The following KAZN variants were observed in gnomAD, a reference collection of about 807,000 sequenced individuals.
The protein encoded by KAZN is kazrin.
KAZN carries 40 observed loss-of-function variants against 87.4 expected under a neutral mutation model. That is an observed-to-expected ratio of 0.46 (90% CI 0.36 to 0.60). The LOEUF is 0.60. Among genes scored for constraint, KAZN ranks in the 20% least tolerant of loss-of-function variants. The pLI is 0.00. For missense variants in KAZN, 898 were observed against 1,073.9 expected, an observed-to-expected ratio of 0.84 and a Z score of 2.29; for synonymous variants, 466 against 458.3, an observed-to-expected ratio of 1.02 and a Z score of -0.22.
At chr1:14,823,572 C>A (rs573656876) in intron 1 of KAZN, among the ~76,000 whole-genome samples, 16 of 152,208 alleles carry the variant, frequency 1.1e-4, no homozygotes, top group African/African-American at 3.9e-4. Flanking sequence ...TGTTGAATGT[C>A]CTGAAACGCA....
At chr1:14,514,915 C>T (rs938181943) in intron 2 of KAZN, among the ~76,000 whole-genome samples, 1 of 151,990 alleles carries the variant, frequency 6.6e-6, no homozygotes, top group South Asian at 2.1e-4. Context: ...TAGCAAAGTC[C>T]GTGGCTCACA....
intron 2 of KAZN, among the ~76,000 whole-genome samples, chr1:14,203,698 A>G (rs1646685623): frequency 6.6e-6 from 1 of 152,172 alleles, no homozygotes; most frequent in African/African-American, 2.4e-5. Context: ...CTTAGGTACA[A>G]CTCAATGTGC....
chr1:14,068,710 C>G (rs752211206), intron 1 of KAZN, among the ~76,000 whole-genome samples: 16 of 152,160 alleles, frequency 1.1e-4, no homozygotes, highest in Admixed American at 2.0e-4. Flanking sequence ...TGTCTTTTCC[C>G]TACGACAGAG....
At chr1:14,076,156 C>T (rs1464999254) in intron 1 of KAZN, among the ~76,000 whole-genome samples, 1 of 152,080 alleles carries the variant, frequency 6.6e-6, no homozygotes, top group Non-Finnish European at 1.5e-5. Flanking sequence ...TGGCACACAC[C>T]TGTAGTCCCA....
chr1:14,656,196 TC>T, intron 1 of KAZN, among the ~76,000 whole-genome samples: 1 of 152,250 alleles, frequency 6.6e-6, no homozygotes, highest in East Asian at 1.9e-4. Context: ...AAGGTCATTC[TC>T]GGGGTAGGCT....
intron 2 of KAZN, among the ~76,000 whole-genome samples, chr1:14,392,979 A>G (rs578230280): frequency 7.9e-5 from 12 of 152,290 alleles, no homozygotes; most frequent in African/African-American, 2.9e-4. Flanking sequence ...ACTTCCTTCC[A>G]TGGTGCAGTG....
intron 1 of KAZN, among the ~76,000 whole-genome samples, chr1:14,734,999 C>T (rs906775625): frequency 6.6e-6 from 1 of 152,218 alleles, no homozygotes; most frequent in Non-Finnish European, 1.5e-5. Flanking sequence ...AGTAGGTGTG[C>T]CTTGTACGAG....
intron 2 of KAZN, among the ~76,000 whole-genome samples, chr1:14,468,100 G>T (rs1377092093): frequency 6.6e-6 from 1 of 152,176 alleles, no homozygotes; most frequent in Non-Finnish European, 1.5e-5. Context: ...TACTTAGCTG[G>T]CTAATAAACC....
At chr1:14,783,209 G>A (rs977560037) in intron 1 of KAZN, among the ~76,000 whole-genome samples, 2 of 152,118 alleles carry the variant, frequency 1.3e-5, no homozygotes, top group Admixed American at 6.6e-5. Context: ...GCCATTTCCA[G>A]CACCTAATAC....
At chr1:14,874,607 T>C (rs1036442173) in intron 1 of KAZN, among the ~76,000 whole-genome samples, 4 of 152,182 alleles carry the variant, frequency 2.6e-5, no homozygotes, top group Non-Finnish European at 5.9e-5. Context: ...GTGACAGCAA[T>C]TAAGCAACTG....
At chr1:14,318,066 A>C (rs1232070872) in intron 2 of KAZN, among the ~76,000 whole-genome samples, 1 of 151,924 alleles carries the variant, frequency 6.6e-6, no homozygotes, top group Non-Finnish European at 1.5e-5. Context: ...TGCATATGTT[A>C]TCAACCTCCT....
intron 2 of KAZN, among the ~76,000 whole-genome samples, chr1:14,446,565 G>C (rs776011505): frequency 3.3e-5 from 5 of 152,210 alleles, no homozygotes; most frequent in Non-Finnish European, 7.3e-5. Flanking sequence ...AAACCATGGA[G>C]GCTAGGGTTG....
chr1:14,714,986 G>A (rs1476423126), intron 1 of KAZN, among the ~76,000 whole-genome samples: 1 of 151,600 alleles, frequency 6.6e-6, no homozygotes, highest in Non-Finnish European at 1.5e-5. Context: ...TAGTAGAGAC[G>A]AGGTTTCACT....
chr1:14,176,237 G>T (rs529962890), intron 1 of KAZN, among the ~76,000 whole-genome samples: 2 of 152,102 alleles, frequency 1.3e-5, no homozygotes, highest in African/African-American at 2.4e-5. Flanking sequence ...GTATTATCTT[G>T]TCCTGGGATG....
At chr1:14,953,905 G>A (rs1279061811) in intron 1 of KAZN, among the ~76,000 whole-genome samples, 1 of 151,846 alleles carries the variant, frequency 6.6e-6, no homozygotes, top group African/African-American at 2.4e-5. Context: ...CTGCCCAGAA[G>A]TGTGTCACAT....
intron 1 of KAZN, among the ~76,000 whole-genome samples, chr1:14,933,023 G>C (rs2101588767): frequency 6.6e-6 from 1 of 152,204 alleles, no homozygotes; most frequent in African/African-American, 2.4e-5. Context: ...GTTTCTGTCT[G>C]TATGTGTTGG....
intron 1 of KAZN, among the ~76,000 whole-genome samples, chr1:14,613,563 G>A (rs1006511849): frequency 6.6e-6 from 1 of 152,180 alleles, no homozygotes; most frequent in Non-Finnish European, 1.5e-5. Flanking sequence ...GCTATCTGTT[G>A]GAGAAAATAC....
chr1:14,847,691 C>A (rs1188122336), intron 1 of KAZN, among the ~76,000 whole-genome samples: 1 of 152,236 alleles, frequency 6.6e-6, no homozygotes, highest in Non-Finnish European at 1.5e-5. Context: ...CCTAGGACAG[C>A]ACCTGGGGCA....
At chr1:14,062,130 A>G (rs756667743) in intron 1 of KAZN, among the ~76,000 whole-genome samples, 6 of 152,186 alleles carry the variant, frequency 3.9e-5, no homozygotes, top group African/African-American at 7.2e-5. Context: ...ATACCAGGAC[A>G]CTTAGCCACC....
Sources: allele counts gnomAD v4.1 joint callset (sites outside exome capture counted in the v4.1 genomes callset), GRCh38; gene constraint gnomAD v4.1.1; transcripts MANE v1.5; gene names NCBI Gene and HGNC (gene_info 2026-07-23, HGNC 2026-07-21).